Variants in CR1L observed in about 807,000 individuals in gnomAD.
CR1L encodes the protein complement component receptor 1-like protein.
CR1L carries 59 observed loss-of-function variants against 62.3 expected under a neutral mutation model. The observed-to-expected ratio is 0.95, with a 90% CI of 0.77 to 1.18. CR1L has a LOEUF of 1.18. CR1L is among the 50% of genes most tolerant of loss of function. The pLI, the probability that CR1L is intolerant of heterozygous loss-of-function variation, is 0.00. For missense variants in CR1L, 700 were observed against 702.8 expected (o/e 1.00, Z 0.04); for synonymous variants, 279 against 248.7 (o/e 1.12, Z -1.15).
At chr1:207,669,448 G>A (rs1663575263) in intron 1 of CR1L, 3 of 1,381,336 alleles carry the variant, frequency 2.2e-6, no homozygotes, top group Non-Finnish European at 1.0e-6. Context: ...CGGGAGGATG[G>A]GGGTCTCTTC....
chr1:207,694,692 C>T lies in CR1L; in HGVS notation c.803C>T (p.Ser268Phe). ...CQPGFGMKGP[S>F]HVKCQALNKW... is the part of the protein sequence containing the mutation. Reference sequence around the variant, plus strand: ...CCTGGCTTTGGCATGAAAGGGCCCTCCCATGTGAAGTGCCAGGCCCTGAAC... The same window carrying T: ...CCTGGCTTTGGCATGAAAGGGCCCTTCCATGTGAAGTGCCAGGCCCTGAAC... Residue 268 changes from serine to phenylalanine, a missense_variant, in exon 5 of 12, where the codon TCC becomes TTC. Transcript: ENST00000508064. The T allele has an allele frequency of 6.2e-7, 1 of 1,611,854 alleles. No homozygotes were observed. Among genetic ancestry groups the T allele is most frequent in the Middle Eastern group, 2.3e-4 (1 of 4,430 alleles).
chr1:207,645,256 AGCGTCCCTTTCCTTCCCG>A lies in CR1L; in HGVS notation c.27_44del (p.Pro10_Arg15del). ...CTCATGGCGCCTCCCGTCCGTCTCGAGCGTCCCTTTCCTTCCCGGCGCTTTCCTGGGTTGCTTCTGGCG... is the reference window on the plus strand; with the variant it reads ...CTCATGGCGCCTCCCGTCCGTCTCGAGCGCTTTCCTGGGTTGCTTCTGGCG... On this transcript the variant is annotated inframe_deletion, in exon 1 of 12. Coordinates refer to ENST00000508064, the MANE Select transcript of CR1L (RefSeq NM_175710.2). 6.2e-7 allele frequency: 1 copy of A among 1,613,462 alleles called. No individual in the cohort carries two copies. The highest frequency in any genetic ancestry group is 2.2e-5 in the East Asian group (1 of 44,864).
At chr1:207,706,586 T>C (rs1664271398) in intron 9 of CR1L, among the ~76,000 whole-genome samples, 1 of 152,170 alleles carries the variant, frequency 6.6e-6, no homozygotes. Context: ...AAATAAAATG[T>C]GAAAATGTAA....
intron 1 of CR1L, among the ~76,000 whole-genome samples, chr1:207,648,552 G>A (rs368503502): frequency 6.6e-6 from 1 of 151,318 alleles, no homozygotes; most frequent in East Asian, 1.9e-4. Context: ...CCTCTCAAAG[G>A]TAGTTGCCAA....
intron 10 of CR1L, among the ~76,000 whole-genome samples, chr1:207,712,107 C>T (rs1664368521): frequency 6.6e-6 from 1 of 152,188 alleles, no homozygotes; most frequent in South Asian, 2.1e-4. Flanking sequence ...TGAATTCTGT[C>T]CTGAGTGAGG....
At chr1:207,670,051 T>C (rs1350590850) in intron 1 of CR1L, among the ~76,000 whole-genome samples, 2 of 151,046 alleles carry the variant, frequency 1.3e-5, no homozygotes, top group Admixed American at 1.3e-4. Flanking sequence ...AGTTGCTGCC[T>C]CAGTGGCATA....
chr1:207,648,375 A>G (rs1663168983), intron 1 of CR1L, among the ~76,000 whole-genome samples: 2 of 152,066 alleles, frequency 1.3e-5, no homozygotes, highest in Admixed American at 6.6e-5. Flanking sequence ...TGAGGTTGAT[A>G]GGGTTAAATC....
chr1:207,686,960 G>A (rs547081278), intron 4 of CR1L, among the ~76,000 whole-genome samples: 39 of 152,310 alleles, frequency 2.6e-4, no homozygotes, highest in African/African-American at 9.4e-4. Flanking sequence ...GAACTCCTTA[G>A]CCTCCACAAC....
chr1:207,694,247 A>G, intron 4 of CR1L, 106 bp from the exon 5 acceptor site: 1 of 1,388,702 alleles, frequency 7.2e-7, no homozygotes, highest in Non-Finnish European at 9.9e-7. Flanking sequence ...CCTACGTGTT[A>G]GCAAAGAATA....
At chr1:207,659,599 AG>A in intron 1 of CR1L, among the ~76,000 whole-genome samples, 1 of 152,228 alleles carries the variant, frequency 6.6e-6, no homozygotes, top group Non-Finnish European at 1.5e-5. Flanking sequence ...CGTAGAAGAC[AG>A]GTGATTTCTG....
chr1:207,686,836 G>T (rs1663918998), intron 4 of CR1L, among the ~76,000 whole-genome samples: 1 of 152,154 alleles, frequency 6.6e-6, no homozygotes, highest in African/African-American at 2.4e-5. Context: ...ATGAGATCAT[G>T]AGAGCAGAGC....
chr1:207,698,076 A>T (rs1407041563), intron 7 of CR1L, among the ~76,000 whole-genome samples: 1 of 152,188 alleles, frequency 6.6e-6, no homozygotes, highest in Admixed American at 6.5e-5. Context: ...AGATATGAAG[A>T]GGACACTGGG....
chr1:207,656,577 T>C (rs1055224436), intron 1 of CR1L, among the ~76,000 whole-genome samples: 2 of 152,136 alleles, frequency 1.3e-5, no homozygotes, highest in Non-Finnish European at 2.9e-5. Flanking sequence ...ACAGGAAGCA[T>C]GATGCTGGCA....
rs373948496 is a variant in CR1L at position 207,697,525 on chromosome 1, C to G, written c.885C>G (p.Val295=). The change falls in exon 6 of 12, where the codon GTC becomes GTG. Residue 295 remains valine (V), a synonymous_variant. Transcript: ENST00000508064. ...CSRVCQPPPD[V]LHAERTQRDK... ...CAGTATGTCAGCCACCTCCAGATGT[C>G]CTGCATGCTGAGCGTACCCAAAGGG... 1.2e-6 allele frequency: 2 copies of G among 1,613,758 alleles called. No homozygotes were observed. Among genetic ancestry groups the G allele is most frequent in the Non-Finnish European group, 1.7e-6 (2 of 1,179,708 alleles).
chr1:207,670,544 C>T (rs1431862619), intron 1 of CR1L, among the ~76,000 whole-genome samples: 5 of 150,960 alleles, frequency 3.3e-5, no homozygotes, highest in Non-Finnish European at 7.3e-5. Context: ...CAACATCTCA[C>T]TTGAAGTGAC....
At chr1:207,664,000 G>T (rs556994080) in intron 1 of CR1L, among the ~76,000 whole-genome samples, 10 of 152,072 alleles carry the variant, frequency 6.6e-5, no homozygotes, top group Non-Finnish European at 1.0e-4. Flanking sequence ...TCTTTACTGG[G>T]CAGTTTTATC....
chr1:207,694,410 G>C lies in CR1L; in HGVS notation c.521G>C (p.Arg174Thr). The C allele has an allele frequency of 6.2e-7, 1 of 1,613,954 alleles. No homozygotes were observed. The highest frequency in any genetic ancestry group is 8.5e-7 in the Non-Finnish European group (1 of 1,179,870). ...AATGGAGATTTCACTAGCATCAGCA[G>C]AGAGTATTTTCACTATGGATCAGTG... is the stretch of plus-strand genomic sequence containing the variant. ...IANGDFTSIS[R>T]EYFHYGSVVT... Residue 174 changes from arginine (R) to threonine (T), a missense_variant, in exon 5 of 12, where the codon AGA becomes ACA. Physicochemically the swap from Arg to Thr is moderately conservative, Grantham distance 71 (BLOSUM62 -1). Transcript: ENST00000508064.
At chr1:207,690,632 C>A (rs1162044466) in intron 4 of CR1L, among the ~76,000 whole-genome samples, 1 of 152,158 alleles carries the variant, frequency 6.6e-6, no homozygotes, top group East Asian at 1.9e-4. Flanking sequence ...GCTGCTGTAA[C>A]AAATTACCAC....
chr1:207,674,256 G>A (rs1481854656), intron 1 of CR1L, among the ~76,000 whole-genome samples: 4 of 152,174 alleles, frequency 2.6e-5, no homozygotes, highest in Admixed American at 2.6e-4. Flanking sequence ...TGATGGAAAT[G>A]TTCATTGTCT....
Sources: allele counts gnomAD v4.1 joint callset (sites outside exome capture counted in the v4.1 genomes callset), GRCh38; gene constraint gnomAD v4.1.1; transcripts MANE v1.5; gene names NCBI Gene and HGNC (gene_info 2026-07-23, HGNC 2026-07-21).